GRID1: variants seen among roughly 807,000 people sequenced by gnomAD.
GRID1 encodes glutamate receptor ionotropic, delta-1.
In GRID1, 28 loss-of-function variants were observed where a neutral mutation model predicts 98.0. The ratio of observed to expected loss-of-function variants is 0.29; its 90% confidence interval spans 0.21 to 0.39. The LOEUF (loss-of-function observed/expected upper bound fraction) is 0.39, where lower values mean the gene tolerates loss of function less well. GRID1 is among the 10% of genes least tolerant of loss of function. The probability of loss-of-function intolerance (pLI) is 1.00; values close to 1 mark genes in which losing one functional copy is unlikely to be tolerated. For missense variants in GRID1, 1,111 were observed against 1,340.5 expected (o/e 0.83, Z 2.67); for synonymous variants, 553 against 538.5 (o/e 1.03, Z -0.37).
intron 2 of GRID1, among the ~76,000 whole-genome samples, chr10:86,233,603 T>C (rs1250501446): frequency 2.6e-5 from 4 of 152,164 alleles, no homozygotes; most frequent in African/African-American, 9.7e-5. Context: ...GTGGTGGTGG[T>C]AGAGGAGGTC....
chr10:85,746,892 A>G (rs1017390719), intron 8 of GRID1, among the ~76,000 whole-genome samples: 3 of 152,200 alleles, frequency 2.0e-5, no homozygotes, highest in African/African-American at 7.2e-5. Context: ...TAATGCATCA[A>G]TAATAACAGT....
intron 4 of GRID1, among the ~76,000 whole-genome samples, chr10:86,117,458 T>C (rs1844601054): frequency 6.7e-6 from 1 of 149,144 alleles, no homozygotes; most frequent in Admixed American, 6.7e-5. Flanking sequence ...ACCACCACCA[T>C]TCCCATCACC....
chr10:85,892,799 AT>A (rs2131810416), intron 5 of GRID1, among the ~76,000 whole-genome samples: 1 of 152,186 alleles, frequency 6.6e-6, no homozygotes, highest in South Asian at 2.1e-4. Context: ...AAGAATACCA[AT>A]TTTACACAAA....
At chr10:86,169,193 T>C (rs893876908) in intron 3 of GRID1, among the ~76,000 whole-genome samples, 2 of 152,200 alleles carry the variant, frequency 1.3e-5, no homozygotes, top group African/African-American at 4.8e-5. Flanking sequence ...CACAGTGGCC[T>C]CTGGAAACAC....
chr10:86,127,756 G>A (rs1844774879), intron 4 of GRID1, among the ~76,000 whole-genome samples: 1 of 152,126 alleles, frequency 6.6e-6, no homozygotes, highest in South Asian at 2.1e-4. Context: ...TCCTGACACA[G>A]AGTGAGTAGG....
intron 15 of GRID1, among the ~76,000 whole-genome samples, chr10:85,607,889 C>T (rs1417592496): frequency 6.6e-6 from 1 of 151,076 alleles, no homozygotes; most frequent in Non-Finnish European, 1.5e-5. Flanking sequence ...CCAATCTCGG[C>T]TCACTGCAGC....
At chr10:85,732,384 TC>T (rs1361998146) in intron 8 of GRID1, among the ~76,000 whole-genome samples, 1 of 152,188 alleles carries the variant, frequency 6.6e-6, no homozygotes, top group East Asian at 1.9e-4. Flanking sequence ...TGCCAAACCT[TC>T]CTGGTACGGT....
At chr10:86,040,683 G>A (rs546227057) in intron 4 of GRID1, among the ~76,000 whole-genome samples, 3 of 152,104 alleles carry the variant, frequency 2.0e-5, no homozygotes, top group African/African-American at 7.2e-5. Context: ...CCATTGCAAA[G>A]TAGGGTGACT....
chr10:85,883,457 T>C (rs1310130804), intron 5 of GRID1, among the ~76,000 whole-genome samples: 1 of 152,114 alleles, frequency 6.6e-6, no homozygotes, highest in Admixed American at 6.5e-5. Flanking sequence ...GGTGACTTTT[T>C]TCTTTCCTTC....
intron 4 of GRID1, among the ~76,000 whole-genome samples, chr10:86,041,480 A>C (rs1451799905): frequency 1.3e-5 from 2 of 152,172 alleles, no homozygotes; most frequent in Admixed American, 6.5e-5. Context: ...TATTGGGTAG[A>C]GACCTGAAAA....
chr10:85,648,176 C>T (rs1320238677), intron 12 of GRID1: 1 of 152,240 alleles, frequency 6.6e-6, no homozygotes, highest in African/African-American at 2.4e-5. Context: ...TGGCTCCAGC[C>T]AGGTGCACAT....
chr10:86,289,661 C>G (rs1276278532), intron 2 of GRID1, among the ~76,000 whole-genome samples: 2 of 152,152 alleles, frequency 1.3e-5, no homozygotes, highest in African/African-American at 4.8e-5. Context: ...CAGCCTCCCA[C>G]CCCGATTTTC....
At chr10:86,155,216 G>A (rs1430618730) in intron 3 of GRID1, among the ~76,000 whole-genome samples, 2 of 152,208 alleles carry the variant, frequency 1.3e-5, no homozygotes, top group South Asian at 2.1e-4. Context: ...GCTGGGGAAG[G>A]CCCTCTGGTG....
chr10:86,161,751 G>A (rs1845326486), intron 3 of GRID1, among the ~76,000 whole-genome samples: 1 of 152,186 alleles, frequency 6.6e-6, no homozygotes. Context: ...TGACTTGCCT[G>A]AGCCACAGGC....
chr10:85,617,610 G>A (rs1237237318), intron 14 of GRID1, among the ~76,000 whole-genome samples: 2 of 152,182 alleles, frequency 1.3e-5, no homozygotes, highest in African/African-American at 4.8e-5. Context: ...TCCAGCCCAG[G>A]AGGAACTGTA....
rs577448265 is a variant in GRID1 at position 85,704,893 on chromosome 10, C to T, written c.1997+18110G>A. 1.6e-3 allele frequency among the ~76,000 whole-genome samples: 246 copies of T among 152,268 alleles called. 6 individuals are homozygous for T. In the South Asian group the frequency reaches 0.048, roughly 30 times the overall value. On this transcript the variant is annotated intron_variant, in intron 12 of 15. Coordinates refer to ENST00000327946, the MANE Select transcript of GRID1 (RefSeq NM_017551.3). ...TACTGGGTACATAACGAAAGGAAGGCAGAAATAAAGATGTTCTTTGAAACC... is the reference window on the plus strand; with the variant it reads ...TACTGGGTACATAACGAAAGGAAGGTAGAAATAAAGATGTTCTTTGAAACC...
intron 4 of GRID1, among the ~76,000 whole-genome samples, chr10:85,973,794 T>G (rs535315647): frequency 1.1e-4 from 16 of 152,358 alleles, no homozygotes; most frequent in African/African-American, 3.8e-4. Context: ...TCTCCTTGAT[T>G]ATTCATCTCT....
chr10:86,204,841 G>T (rs571039715), intron 3 of GRID1, among the ~76,000 whole-genome samples: 1 of 152,260 alleles, frequency 6.6e-6, no homozygotes, highest in South Asian at 2.1e-4. Context: ...CTCTCCACAG[G>T]GTTCAGCCTC....
intron 8 of GRID1, among the ~76,000 whole-genome samples, chr10:85,826,302 T>G (rs1842819625): frequency 6.6e-6 from 1 of 152,180 alleles, no homozygotes; most frequent in African/African-American, 2.4e-5. Flanking sequence ...GCCACTGCAC[T>G]CCAGCCTGGG....
Sources: allele counts gnomAD v4.1 joint callset (sites outside exome capture counted in the v4.1 genomes callset), GRCh38; gene constraint gnomAD v4.1.1; transcripts MANE v1.5; gene names NCBI Gene and HGNC (gene_info 2026-07-23, HGNC 2026-07-21).